The following CATSPERD variants were observed in gnomAD, a reference collection of about 807,000 sequenced individuals.
CATSPERD encodes the protein catsper channel auxiliary subunit delta.
A neutral mutation model predicts 98.1 loss-of-function variants in CATSPERD; 86 were observed. That is an observed-to-expected ratio of 0.88 (90% CI 0.74 to 1.05). The LOEUF (loss-of-function observed/expected upper bound fraction) is 1.05, where lower values mean the gene tolerates loss of function less well. Ranked by LOEUF, CATSPERD falls within the 50% of genes least tolerant of loss-of-function variation. The pLI is 0.00. For missense variants in CATSPERD, 995 were observed against 1,005.7 expected (o/e 0.99, Z 0.14); for synonymous variants, 394 against 390.2 (o/e 1.01, Z -0.12).
At position 5,729,946 on chromosome 19, in the gene CATSPERD, T is replaced by C. The variant is rs561515144; in HGVS notation, c.276+2T>C. ...TTTACCATCCCTACATCAATGCAGG[T>C]AGTTATTTTACTGAGTGATCTGAAG... On this transcript the variant is annotated splice_donor_variant, in intron 4 of 21. Transcript: ENST00000381624. LOFTEE classifies it high-confidence loss of function. The C allele has an allele frequency of 7.9e-6, 12 of 1,525,546 alleles. No homozygotes were observed. In the African/African-American group the frequency reaches 1.5e-4, roughly 19 times the overall value. The allele number at this position is 1,525,546 out of a possible 1,614,324, so 94.5% of individuals were successfully genotyped here. A position where few individuals can be genotyped will look rare whatever the true frequency, so the allele number is the denominator to read the frequency against.
intron 7 of CATSPERD, among the ~76,000 whole-genome samples, chr19:5,741,536 C>T (rs1387136487): frequency 6.6e-6 from 1 of 151,990 alleles, no homozygotes; most frequent in African/African-American, 2.4e-5. Flanking sequence ...CAACGTAGAG[C>T]TCTTTTATAA....
At chr19:5,765,405 TATTCATTCATTC>T (rs71172767) in intron 16 of CATSPERD, among the ~76,000 whole-genome samples, 31,027 of 140,892 alleles carry the variant, frequency 0.22, 3,711 homozygotes, top group South Asian at 0.34. Flanking sequence ...GCCATTGATT[TATTCATTCATTC>T]ATTCATTCAT....
chr19:5,753,336 G>A (rs1299836788), intron 12 of CATSPERD, among the ~76,000 whole-genome samples: 1 of 151,956 alleles, frequency 6.6e-6, no homozygotes, highest in African/African-American at 2.4e-5. Flanking sequence ...TAAGGTGGGT[G>A]GATCACAAGG....
intron 4 of CATSPERD, among the ~76,000 whole-genome samples, 196 bp from the exon 5 acceptor site, chr19:5,733,660 T>C (rs1400737171): frequency 6.6e-6 from 1 of 152,010 alleles, no homozygotes; most frequent in African/African-American, 2.4e-5. Context: ...TTTCACTATG[T>C]TGGCCAGGCT....
chr19:5,777,352 T>A (rs1377413408), intron 21 of CATSPERD, among the ~76,000 whole-genome samples: 1 of 152,072 alleles, frequency 6.6e-6, no homozygotes, highest in Non-Finnish European at 1.5e-5. Context: ...GTGCCACAGG[T>A]GCTCCCTGCA....
Position 5,724,936 on chromosome 19 carries a change from T to C in CATSPERD, c.126+74T>C, listed in dbSNP as rs569017232. 8.0e-6 allele frequency: 11 copies of C among 1,367,866 alleles called. No homozygotes were observed. The South Asian group carries it at 1.2e-4, about 14-fold the overall frequency. The allele number at this position is 1,367,866 out of a possible 1,614,324, so 84.7% of individuals were successfully genotyped here. The stretch of plus-strand genomic sequence containing the variant: ...GGATCAGAGGTAACACTTCCTGGTA[T>C]TTCTTGGGTGCCCGTGTTGTCAAGC... On this transcript the variant is annotated intron_variant, in intron 2 of 21. Coordinates refer to ENST00000381624, the MANE Select transcript of CATSPERD (RefSeq NM_152784.4).
chr19:5,768,711 A>G (rs1232154033), intron 18 of CATSPERD, among the ~76,000 whole-genome samples: 1 of 152,118 alleles, frequency 6.6e-6, no homozygotes, highest in Non-Finnish European at 1.5e-5. Flanking sequence ...ATAGCTCACC[A>G]CAGCCTCGAC....
At chr19:5,724,448 C>T (rs563271716) in intron 1 of CATSPERD, among the ~76,000 whole-genome samples, 6 of 152,092 alleles carry the variant, frequency 3.9e-5, no homozygotes, top group South Asian at 2.1e-4. Context: ...GCCTGTAATC[C>T]CAACACTTCG....
chr19:5,730,730 C>T (rs554908870), intron 4 of CATSPERD, among the ~76,000 whole-genome samples: 12 of 150,066 alleles, frequency 8.0e-5, no homozygotes, highest in South Asian at 2.1e-4. Flanking sequence ...CCAGCCTGGG[C>T]GGCTGGGCAC....
At chr19:5,762,954 T>A (rs1316994330) in intron 15 of CATSPERD, among the ~76,000 whole-genome samples, 4 of 151,136 alleles carry the variant, frequency 2.6e-5, no homozygotes, top group Non-Finnish European at 5.9e-5. Flanking sequence ...AGTGGATAGA[T>A]GGATGAGTGG....
At chr19:5,775,518 G>A (rs907116522) in intron 20 of CATSPERD, among the ~76,000 whole-genome samples, 5 of 150,810 alleles carry the variant, frequency 3.3e-5, no homozygotes, top group Admixed American at 2.0e-4. Flanking sequence ...CCACGGTGGC[G>A]GGCACCTGTA....
At chr19:5,765,657 C>T (rs751065581) in intron 16 of CATSPERD, among the ~76,000 whole-genome samples, 2 of 151,472 alleles carry the variant, frequency 1.3e-5, no homozygotes, top group Non-Finnish European at 2.9e-5. Flanking sequence ...ACTAAAAATA[C>T]AAAAATTAGC....
chr19:5,745,872 T>C (rs199735628), intron 8 of CATSPERD, 41 bp from the exon 9 acceptor site: 3 of 1,605,912 alleles, frequency 1.9e-6, no homozygotes, highest in Non-Finnish European at 2.6e-6. Flanking sequence ...GACTCCACAG[T>C]AGGGTTTGGG....
chr19:5,730,095 G>T, intron 4 of CATSPERD, 151 bp downstream of exon 4: 1 of 510,842 alleles, frequency 2.0e-6, no homozygotes. Context: ...CAATTTCTAA[G>T]CCTAAAGAAG....
intron 13 of CATSPERD, among the ~76,000 whole-genome samples, chr19:5,757,294 CTTCT>C (rs1418594840): frequency 3.7e-3 from 365 of 98,888 alleles, no homozygotes; most frequent in African/African-American, 0.013. Flanking sequence ...GCATTTTCAA[CTTCT>C]TTTTTTTTTT....
chr19:5,759,274 T>A, intron 15 of CATSPERD, 130 bp downstream of exon 15: 2 of 890,092 alleles, frequency 2.2e-6, no homozygotes, highest in Non-Finnish European at 1.8e-6. Context: ...TACAACACTT[T>A]ACAAGAGCTG....
chr19:5,746,280 G>A (rs1364034574), intron 9 of CATSPERD, among the ~76,000 whole-genome samples: 1 of 152,194 alleles, frequency 6.6e-6, no homozygotes, highest in Non-Finnish European at 1.5e-5. Flanking sequence ...GGGCCAGGTA[G>A]ACAGTGACAA....
chr19:5,736,291 G>T (rs754849607), intron 5 of CATSPERD, among the ~76,000 whole-genome samples: 6 of 152,144 alleles, frequency 3.9e-5, no homozygotes, highest in Non-Finnish European at 8.8e-5. Context: ...AGAGGAAGGT[G>T]CTACTGGCAT....
Position 5,747,682 on chromosome 19 carries a change from G to A in CATSPERD, c.809-478G>A, listed in dbSNP as rs1227586910. On this transcript the variant is annotated intron_variant, in intron 9 of 21. Coordinates refer to ENST00000381624, the MANE Select transcript of CATSPERD (RefSeq NM_152784.4). ...GGCTGGAGTACAGTGGCGCAATCTC[G>A]GCTCACTGCAACCTCCACCTCTGGG... Among the ~76,000 whole-genome samples the A allele has an allele frequency of 4.2e-5, 6 of 144,406 alleles. 1 individual carries two copies. Among genetic ancestry groups the A allele is most frequent in the Admixed American group, 1.5e-4 (2 of 13,462 alleles). The allele number at this position is 144,406 out of a possible 152,430, so 94.7% of individuals were successfully genotyped here. A position where few individuals can be genotyped will look rare whatever the true frequency, so the allele number is the denominator to read the frequency against.
Sources: allele counts gnomAD v4.1 joint callset (sites outside exome capture counted in the v4.1 genomes callset), GRCh38; gene constraint gnomAD v4.1.1; transcripts MANE v1.5; gene names NCBI Gene and HGNC (gene_info 2026-07-23, HGNC 2026-07-21).